GOLIM4: variants seen among roughly 807,000 people sequenced by gnomAD.
The protein encoded by GOLIM4 is 130 kDa golgi-localized phosphoprotein.
A neutral mutation model predicts 107.4 loss-of-function variants in GOLIM4; 71 were observed. The observed-to-expected ratio is 0.66, with a 90% CI of 0.55 to 0.81. The LOEUF (loss-of-function observed/expected upper bound fraction) is 0.81, where lower values mean the gene tolerates loss of function less well. Ranked by LOEUF, GOLIM4 falls within the 30% of genes least tolerant of loss-of-function variation. GOLIM4 has a pLI of 0.00. For missense variants in GOLIM4, 830 were observed against 826.1 expected (o/e 1.00, Z -0.06); for synonymous variants, 327 against 294.8 (o/e 1.11, Z -1.12).
intron 14 of GOLIM4, 60 bp from the exon 15 acceptor site, chr3:168,010,883 T>C: frequency 1.8e-6 from 2 of 1,104,008 alleles, no homozygotes; most frequent in Non-Finnish European, 2.8e-6. Context: ...TGCGATAATA[T>C]ATTTTGACAC....
chr3:168,083,282 C>CA (rs151289569), intron 1 of GOLIM4, among the ~76,000 whole-genome samples: 3,687 of 152,090 alleles, frequency 0.024, 159 homozygotes, highest in African/African-American at 0.085. Context: ...GTAAAAGTAT[C>CA]AAAAAAATCT....
chr3:168,050,557 A>C (rs956504793), intron 1 of GOLIM4, among the ~76,000 whole-genome samples: 2 of 152,158 alleles, frequency 1.3e-5, no homozygotes, highest in African/African-American at 4.8e-5. Flanking sequence ...TAGGATGCTC[A>C]GGAACACGTA....
At chr3:168,085,358 T>C (rs2108293070) in intron 1 of GOLIM4, among the ~76,000 whole-genome samples, 1 of 152,372 alleles carries the variant, frequency 6.6e-6, no homozygotes, top group South Asian at 2.1e-4. Context: ...AGCCTCATAA[T>C]GAGCCTTTGG....
chr3:168,095,440 C>G lies in GOLIM4; in HGVS notation c.-155G>C, dbSNP rs561918318. 6.8e-6 allele frequency: 4 copies of G among 586,652 alleles called. No individual in the cohort carries two copies. The East Asian group carries it at 1.0e-4, about 15-fold the overall frequency. 36.3% of individuals were successfully genotyped at this position (586,652 alleles called of 1,614,324 possible). A position where few individuals can be genotyped will look rare whatever the true frequency, so the allele number is the denominator to read the frequency against. On this transcript the variant is annotated 5_prime_UTR_variant, in exon 1 of 16. Transcript: ENST00000470487. Reference sequence around the variant, plus strand: ...GCCGGCCCGGAGGGGAAGTGGCGCCCGCTCAGCCCCCGCGCGGCGCGGGGC... The same window carrying G: ...GCCGGCCCGGAGGGGAAGTGGCGCCGGCTCAGCCCCCGCGCGGCGCGGGGC...
chr3:168,011,817 A>C (rs1166449203), intron 14 of GOLIM4, among the ~76,000 whole-genome samples: 1 of 132,684 alleles, frequency 7.5e-6, no homozygotes, highest in Non-Finnish European at 1.5e-5. Flanking sequence ...ATTCCAACAG[A>C]CCTGCAGCTG....
At chr3:168,055,393 C>G (rs545341876) in intron 1 of GOLIM4, among the ~76,000 whole-genome samples, 2 of 152,020 alleles carry the variant, frequency 1.3e-5, no homozygotes, top group Admixed American at 1.3e-4. Context: ...TATATTTTAG[C>G]AAAGAGACTG....
chr3:168,076,442 C>T (rs1343641389), intron 1 of GOLIM4, among the ~76,000 whole-genome samples: 5 of 152,260 alleles, frequency 3.3e-5, no homozygotes, highest in African/African-American at 1.2e-4. Context: ...GCCTGTAATC[C>T]CAGCACTTTG....
chr3:168,010,193 G>T lies in GOLIM4; in HGVS notation c.*76C>A. 1 of 1,328,708 alleles carries T rather than the reference G, an allele frequency of 7.5e-7. No homozygotes were observed. The allele number at this position is 1,328,708 out of a possible 1,614,324, so 82.3% of individuals were successfully genotyped here. A position where few individuals can be genotyped will look rare whatever the true frequency, so the allele number is the denominator to read the frequency against. ...AATTTTTGTAATTAAATATCCTAGA[G>T]TTCAGTAGGCAGATTTATGTTTGAG... is the stretch of plus-strand genomic sequence containing the variant. On this transcript the variant is annotated 3_prime_UTR_variant, in exon 16 of 16. Transcript: ENST00000470487.
chr3:168,034,589 T>C (rs189140936), intron 8 of GOLIM4, among the ~76,000 whole-genome samples: 1 of 152,316 alleles, frequency 6.6e-6, no homozygotes, highest in African/African-American at 2.4e-5. Flanking sequence ...TTTCTCAGTC[T>C]TCTCTTTAAT....
intron 10 of GOLIM4, 82 bp downstream of exon 10, chr3:168,029,698 C>A: frequency 6.6e-7 from 1 of 1,523,320 alleles, no homozygotes; most frequent in Non-Finnish European, 8.9e-7. Flanking sequence ...TCATGAATCA[C>A]AAATGCACAA....
chr3:168,095,232 C>T lies in GOLIM4; in HGVS notation c.54G>A (p.Leu18=). 6.2e-7 allele frequency: 1 copy of T among 1,613,628 alleles called. No homozygotes were observed. Residue 18 remains leucine (L), a synonymous_variant, in exon 1 of 16, where the codon CTG becomes CTA. Transcript: ENST00000470487. ...GAAAGCCGAACACGACGGTCAGCAG[C>T]AGCAGCGTCTGGAAAATCCGCTTCT... is the stretch of plus-strand genomic sequence containing the variant. The part of the protein sequence containing the change: ...RKQKRIFQTL[L]LLTVVFGFLY...
chr3:168,077,813 G>A (rs1721146821), intron 1 of GOLIM4, among the ~76,000 whole-genome samples: 1 of 151,960 alleles, frequency 6.6e-6, no homozygotes, highest in African/African-American at 2.4e-5. Context: ...TCATTCTATT[G>A]CTAAGGCCTT....
chr3:168,065,341 TAAGA>T (rs1490215037), intron 1 of GOLIM4, among the ~76,000 whole-genome samples: 1 of 152,222 alleles, frequency 6.6e-6, no homozygotes, highest in Non-Finnish European at 1.5e-5. Flanking sequence ...AGCACAATGC[TAAGA>T]AAGGTTCTGA....
chr3:168,054,819 CAT>C (rs754859078), intron 1 of GOLIM4, among the ~76,000 whole-genome samples: 2 of 152,072 alleles, frequency 1.3e-5, no homozygotes, highest in Non-Finnish European at 2.9e-5. Flanking sequence ...TGAATTCTCA[CAT>C]GTGGTGGGAG....
In GOLIM4 at chr3:168,084,942, T is replaced by C. The variant is rs958147552; in HGVS notation, c.187+10157A>G. On this transcript the variant is annotated intron_variant, in intron 1 of 15. Coordinates refer to ENST00000470487, the MANE Select transcript of GOLIM4 (RefSeq NM_014498.5). The stretch of plus-strand genomic sequence containing the variant: ...AGTTAATGTGACCAGCAGTCACTTA[T>C]AGTTACATGGAAATTAAAAAAAAAA... Among the ~76,000 whole-genome samples the C allele has an allele frequency of 3.3e-5, 5 of 151,992 alleles. No individual in the cohort carries two copies. In the East Asian group the frequency reaches 7.7e-4, roughly 23 times the overall value.
chr3:168,031,712 C>A (rs1022883626), intron 9 of GOLIM4, among the ~76,000 whole-genome samples: 1 of 152,158 alleles, frequency 6.6e-6, no homozygotes, highest in African/African-American at 2.4e-5. Context: ...ACCTGCTTAG[C>A]CTAAAGCCTC....
intron 1 of GOLIM4, among the ~76,000 whole-genome samples, chr3:168,054,202 T>C (rs1359284946): frequency 1.3e-5 from 2 of 152,248 alleles, no homozygotes; most frequent in Admixed American, 1.3e-4. Flanking sequence ...CTGAATTTAA[T>C]TTTTAATAAG....
At chr3:168,030,575 T>C (rs986103884) in intron 9 of GOLIM4, among the ~76,000 whole-genome samples, 7 of 151,138 alleles carry the variant, frequency 4.6e-5, no homozygotes, top group Non-Finnish European at 4.4e-5. Context: ...CAATTTTTTT[T>C]CAAAGAAACT....
chr3:168,012,924 A>G (rs1717140349), intron 14 of GOLIM4, among the ~76,000 whole-genome samples: 1 of 151,604 alleles, frequency 6.6e-6, no homozygotes, highest in Non-Finnish European at 1.5e-5. Context: ...GGAACCAGCC[A>G]CTGCAAAATC....
Sources: gnomAD v4.1 joint callset for allele counts (sites outside exome capture counted in the v4.1 genomes callset) on GRCh38, gnomAD v4.1.1 for gene constraint, MANE v1.5 for transcripts, NCBI Gene and HGNC (gene_info 2026-07-23, HGNC 2026-07-21) for gene names.